JADE1: variants seen among roughly 807,000 people sequenced by gnomAD.
JADE1 encodes jade family PHD finger 1, also known as protein Jade-1.
JADE1 carries 14 observed loss-of-function variants against 81.8 expected under a neutral mutation model. The observed-to-expected ratio is 0.17, with a 90% CI of 0.11 to 0.27. The LOEUF is 0.27. Among genes scored for constraint, JADE1 ranks in the 10% least tolerant of loss-of-function variants. JADE1 has a pLI of 1.00. For missense variants in JADE1, 690 were observed against 1,047.9 expected, an observed-to-expected ratio of 0.66 and a Z score of 4.71; for synonymous variants, 353 against 391.9, an observed-to-expected ratio of 0.90 and a Z score of 1.17.
chr4:128,866,147 G>A (rs1731764042), intron 9 of JADE1, among the ~76,000 whole-genome samples: 1 of 152,328 alleles, frequency 6.6e-6, no homozygotes, highest in African/African-American at 2.4e-5. Context: ...TTCTATAAAG[G>A]ACACCTGCTT....
Position 128,829,418 on chromosome 4 carries a change from A to G in JADE1, c.-26-2315A>G, listed in dbSNP as rs553922711. On this transcript the variant is annotated intron_variant, in intron 1 of 10. Transcript: ENST00000226319. ...CATTTTAATGGCTTTTGAAGAATCA[A>G]TTGATAAACAAAAACTTTAACTGGG... 7.9e-5 allele frequency among the ~76,000 whole-genome samples: 12 copies of G among 152,350 alleles called. No individual in the cohort carries two copies. The South Asian group carries it at 1.0e-3, about 13-fold the overall frequency.
At position 128,872,232 on chromosome 4, in the gene JADE1, C is replaced by T. The variant is rs1263400454; in HGVS notation, c.2499C>T (p.Asp833=). 3 of 1,614,010 alleles carry T rather than the reference C, an allele frequency of 1.9e-6. No homozygotes were observed. Among genetic ancestry groups the T allele is most frequent in the East Asian group, 2.2e-5 (1 of 44,866 alleles). Residue 833 remains aspartate (D), a synonymous_variant, in exon 11 of 11, where the codon GAC becomes GAT. Transcript: ENST00000226319. Reference sequence around the variant, plus strand: ...GCAGCACTATCAGCAGAAGGACAGACATTATCAGGAGAAGCATCTTGGCTT... The same window carrying T: ...GCAGCACTATCAGCAGAAGGACAGATATTATCAGGAGAAGCATCTTGGCTT... ...HTSSTISRRT[D]IIRRSILAS
At chr4:128,845,784 G>A (rs573680882) in intron 3 of JADE1, among the ~76,000 whole-genome samples, 3 of 152,182 alleles carry the variant, frequency 2.0e-5, no homozygotes, top group East Asian at 1.9e-4. Flanking sequence ...TTAGCTGGGC[G>A]TGGTGGCGTG....
chr4:128,837,418 G>A (rs1729070909), intron 2 of JADE1, among the ~76,000 whole-genome samples: 1 of 152,216 alleles, frequency 6.6e-6, no homozygotes, highest in Non-Finnish European at 1.5e-5. Context: ...TTCTTTGAAT[G>A]TATGTATGAT....
At chr4:128,841,272 A>G (rs1729412129) in intron 2 of JADE1, among the ~76,000 whole-genome samples, 1 of 152,212 alleles carries the variant, frequency 6.6e-6, no homozygotes, top group Non-Finnish European at 1.5e-5. Flanking sequence ...GTGGAGGTGA[A>G]TTATCAGAAA....
chr4:128,828,542 T>A (rs1728258621), intron 1 of JADE1, among the ~76,000 whole-genome samples: 1 of 111,024 alleles, frequency 9.0e-6, no homozygotes, highest in African/African-American at 2.5e-5. Flanking sequence ...AATACAGCAC[T>A]CTCAAACCCT....
intron 3 of JADE1, among the ~76,000 whole-genome samples, chr4:128,843,348 G>T (rs1445047927): frequency 6.6e-6 from 1 of 152,058 alleles, no homozygotes; most frequent in African/African-American, 2.4e-5. Flanking sequence ...ATCTTCGCTG[G>T]CTCCCAACAA....
intron 6 of JADE1, among the ~76,000 whole-genome samples, chr4:128,854,719 G>T (rs1809274): frequency 1 from 152,169 of 152,342 alleles, 75,998 homozygotes; most frequent in East Asian, 1. Context: ...TGAATAAAGT[G>T]CTGAACAGTT....
Position 128,872,163 on chromosome 4 carries a change from T to C in JADE1, c.2430T>C (p.Ser810=), listed in dbSNP as rs1410608864. 1 of 1,614,040 alleles carries C rather than the reference T, an allele frequency of 6.2e-7. No individual in the cohort carries two copies. The highest frequency in any genetic ancestry group is 8.5e-7 in the Non-Finnish European group (1 of 1,179,976). ...NDGYVPDVEM[S]DSESEASEKK... is the part of the protein sequence containing the mutation. Reference sequence around the variant, plus strand: ...GGTATGTCCCCGATGTGGAAATGAGTGACTCAGAGAGTGAGGCATCAGAAA... The same window carrying C: ...GGTATGTCCCCGATGTGGAAATGAGCGACTCAGAGAGTGAGGCATCAGAAA... The change falls in exon 11 of 11, where the codon AGT becomes AGC. Residue 810 remains serine (S), a synonymous_variant. Transcript: ENST00000226319.
At chr4:128,832,018 C>T (rs1221236172) in intron 2 of JADE1, among the ~76,000 whole-genome samples, 3 of 152,160 alleles carry the variant, frequency 2.0e-5, no homozygotes, top group African/African-American at 7.2e-5. Flanking sequence ...GGCAAGCATT[C>T]CTGAGGCTTC....
chr4:128,872,113 T>G lies in JADE1; in HGVS notation c.2380T>G (p.Leu794Val). Residue 794 changes from leucine (L) to valine (V), a missense_variant, in exon 11 of 11, where the codon TTA becomes GTA. By Grantham distance (32) the Leu-to-Val change is conservative (BLOSUM62 1). Transcript: ENST00000226319. ...VPAKERAKSK[L>V]KSDNENDGYV... ...AGCCAAGGAAAGGGCAAAAAGCAAA[T>G]TAAAATCCGACAATGAGAATGACGG... 1 of 1,614,048 alleles carries G rather than the reference T, an allele frequency of 6.2e-7. No individual in the cohort carries two copies. Among genetic ancestry groups the G allele is most frequent in the Non-Finnish European group, 8.5e-7 (1 of 1,179,998 alleles).
chr4:128,845,855 C>T (rs1345193611), intron 3 of JADE1, among the ~76,000 whole-genome samples: 2 of 151,342 alleles, frequency 1.3e-5, no homozygotes, highest in Admixed American at 6.6e-5. Flanking sequence ...ACCTGGGAGG[C>T]AGAGGTTGCA....
At chr4:128,822,792 T>C (rs1221194668) in intron 1 of JADE1, among the ~76,000 whole-genome samples, 1 of 152,206 alleles carries the variant, frequency 6.6e-6, no homozygotes, top group African/African-American at 2.4e-5. Flanking sequence ...CAGTCTGTCT[T>C]GGAACCCTTT....
intron 2 of JADE1, among the ~76,000 whole-genome samples, chr4:128,838,261 T>C (rs1729144101): frequency 6.6e-6 from 1 of 152,226 alleles, no homozygotes; most frequent in Admixed American, 6.5e-5. Context: ...GTCTTTCCCA[T>C]GTTTAACATG....
At chr4:128,832,914 G>A (rs1728671855) in intron 2 of JADE1, among the ~76,000 whole-genome samples, 1 of 152,160 alleles carries the variant, frequency 6.6e-6, no homozygotes. Flanking sequence ...TGGTATTTCG[G>A]TTGGTGTGCT....
At chr4:128,864,099 A>G in intron 9 of JADE1, 1 of 984,594 alleles carries the variant, frequency 1.0e-6, no homozygotes, top group South Asian at 4.7e-5. Context: ...GGCATTACTT[A>G]CATTTACTTT....
chr4:128,815,426 T>C (rs990172775), intron 1 of JADE1, among the ~76,000 whole-genome samples: 1 of 152,184 alleles, frequency 6.6e-6, no homozygotes, highest in African/African-American at 2.4e-5. Context: ...TGACAGAATA[T>C]CTGACACTGA....
At chr4:128,813,476 T>C (rs949292008) in intron 1 of JADE1, among the ~76,000 whole-genome samples, 12 of 145,740 alleles carry the variant, frequency 8.2e-5, no homozygotes, top group Non-Finnish European at 3.0e-5. Flanking sequence ...TGGAGTGCAG[T>C]GGCATGATCT....
intron 4 of JADE1, among the ~76,000 whole-genome samples, chr4:128,847,839 C>A (rs1729996239): frequency 6.6e-6 from 1 of 152,174 alleles, no homozygotes; most frequent in Non-Finnish European, 1.5e-5. Flanking sequence ...TGAAGGTACT[C>A]TGACAGACTC....
Sources: gnomAD v4.1 joint callset for allele counts (sites outside exome capture counted in the v4.1 genomes callset) on GRCh38, gnomAD v4.1.1 for gene constraint, MANE v1.5 for transcripts, NCBI Gene and HGNC (gene_info 2026-07-23, HGNC 2026-07-21) for gene names.